STAG1: variants seen among roughly 807,000 people sequenced by gnomAD.
The protein encoded by STAG1 is STAG1 cohesin complex component, also known as cohesin subunit SA-1.
Under a neutral mutation model 170.9 loss-of-function variants are expected in STAG1, and 26 were observed. The ratio of observed to expected loss-of-function variants is 0.15; its 90% CI spans 0.11 to 0.21. The LOEUF (loss-of-function observed/expected upper bound fraction) is 0.21. STAG1 is among the 10% of genes least tolerant of loss of function. STAG1 has a pLI of 1.00. For missense variants in STAG1, 964 were observed against 1,509.5 expected, an observed-to-expected ratio of 0.64 and a Z score of 5.99; for synonymous variants, 514 against 497.7, an observed-to-expected ratio of 1.03 and a Z score of -0.44.
At chr3:136,587,395 C>T (rs186834839) in intron 4 of STAG1, among the ~76,000 whole-genome samples, 2 of 151,940 alleles carry the variant, frequency 1.3e-5, no homozygotes, top group East Asian at 1.9e-4. Context: ...CAAAAATTAG[C>T]CAGGCATGGT....
chr3:136,500,054 GTCATACAATTT>G, intron 9 of STAG1, 158 bp downstream of exon 9: 1 of 538,500 alleles, frequency 1.9e-6, no homozygotes, highest in Non-Finnish European at 3.4e-6. Context: ...AGTGGCAGCA[GTCATACAATTT>G]CTTCTATAGT....
intron 21 of STAG1, among the ~76,000 whole-genome samples, chr3:136,399,578 G>A (rs954744702): frequency 1.7e-4 from 26 of 152,040 alleles, no homozygotes; most frequent in African/African-American, 5.1e-4. Flanking sequence ...TTTTAGTTCC[G>A]TGTAATATTT....
intron 16 of STAG1, among the ~76,000 whole-genome samples, chr3:136,424,908 C>T (rs897319480): frequency 6.6e-6 from 1 of 152,050 alleles, no homozygotes; most frequent in South Asian, 2.1e-4. Context: ...GGTGCAATCT[C>T]GGCTCACCGC....
intron 4 of STAG1, among the ~76,000 whole-genome samples, chr3:136,596,657 A>G (rs933474617): frequency 3.3e-5 from 5 of 152,214 alleles, no homozygotes; most frequent in African/African-American, 4.8e-5. Flanking sequence ...TTCACACTTT[A>G]TAAGTACTGT....
At chr3:136,454,430 C>A (rs762183218) in intron 13 of STAG1, among the ~76,000 whole-genome samples, 2 of 151,718 alleles carry the variant, frequency 1.3e-5, no homozygotes, top group African/African-American at 4.8e-5. Flanking sequence ...CCTGGCTGGA[C>A]GGCAATGGCA....
intron 23 of STAG1, among the ~76,000 whole-genome samples, chr3:136,375,908 G>T (rs1423825680): frequency 6.6e-6 from 1 of 151,436 alleles, no homozygotes; most frequent in Non-Finnish European, 1.5e-5. Context: ...GGTGGAGGTT[G>T]CAGTGAGCCG....
At chr3:136,510,516 T>A (rs1218169837) in intron 7 of STAG1, among the ~76,000 whole-genome samples, 2 of 151,750 alleles carry the variant, frequency 1.3e-5, no homozygotes, top group Non-Finnish European at 2.9e-5. Flanking sequence ...TCTCGAATGA[T>A]CTGCCCTCTT....
At position 136,610,069 on chromosome 3, in the gene STAG1, C is replaced by CT. The variant is rs1252165258; in HGVS notation, c.133-5597dup. On this transcript the variant is annotated intron_variant, in intron 3 of 33. Transcript: ENST00000383202. The stretch of plus-strand genomic sequence containing the variant: ...TTCTTTTTTTGAGATGGAGTCTCGT[C>CT]TGTCGCCCAGGCTGGAGTACAGTGG... 2.0e-5 allele frequency among the ~76,000 whole-genome samples: 3 copies of CT among 151,998 alleles called. No individual in the cohort carries two copies. In the East Asian group the frequency reaches 5.8e-4, roughly 29 times the overall value.
At chr3:136,417,745 C>A (rs1274103149) in intron 21 of STAG1, 140 bp downstream of exon 21, 2 of 653,954 alleles carry the variant, frequency 3.1e-6, no homozygotes, top group Non-Finnish European at 5.4e-6. Context: ...CATTTAATTA[C>A]TACAGCAATA....
At chr3:136,368,213 C>T (rs561986004) in intron 24 of STAG1, among the ~76,000 whole-genome samples, 45 of 152,138 alleles carry the variant, frequency 3.0e-4, no homozygotes, top group Non-Finnish European at 6.0e-4. Flanking sequence ...AAAGAACAGC[C>T]GAACAGCATC....
chr3:136,590,845 G>T (rs561870714), intron 4 of STAG1, among the ~76,000 whole-genome samples: 95 of 152,168 alleles, frequency 6.2e-4, no homozygotes, highest in African/African-American at 2.2e-3. Flanking sequence ...TAAAATATGT[G>T]CCCTGGTTTG....
At chr3:136,498,387 G>T (rs552494704) in intron 9 of STAG1, among the ~76,000 whole-genome samples, 2 of 146,332 alleles carry the variant, frequency 1.4e-5, no homozygotes, top group African/African-American at 5.0e-5. Context: ...AGCCAGATCC[G>T]CCCACAAAAA....
chr3:136,604,325 C>T lies in STAG1; in HGVS notation c.281G>A (p.Gly94Glu). ...AAAATTTACCTGCATTGCACTTTTC[C>T]CCAGTTTCACCACCTCAAATAATGT... is the stretch of plus-strand genomic sequence containing the variant. The part of the protein sequence containing the change: ...PVTLFEVVKL[G>E]KSAMQSVVDD... Residue 94 changes from glycine to glutamate, a missense_variant, in exon 4 of 34, where the codon GGG becomes GAG. Around this residue, in one of 11 missense-constraint regions of STAG1, gnomAD observed 108 missense variants for 120.2 expected, o/e 0.90. Transcript: ENST00000383202. The T allele has an allele frequency of 6.2e-7, 1 of 1,605,606 alleles. No individual in the cohort carries two copies. The highest frequency in any genetic ancestry group is 8.5e-7 in the Non-Finnish European group (1 of 1,177,944).
rs373723782 is a variant in STAG1 at position 136,389,559 on chromosome 3, G to A, written c.2277+9190C>T. 1.4e-4 allele frequency among the ~76,000 whole-genome samples: 21 copies of A among 151,644 alleles called. No individual in the cohort carries two copies. The South Asian group carries it at 2.1e-3, about 15-fold the overall frequency. ...TTCTGAGATGGATTCTTGCTTTGTC[G>A]CCCAGGCTGGAGTGCAGTGGTGCCA... On this transcript the variant is annotated intron_variant, in intron 22 of 33. Transcript: ENST00000383202.
At chr3:136,427,775 G>C (rs2107737947) in intron 16 of STAG1, among the ~76,000 whole-genome samples, 2 of 151,944 alleles carry the variant, frequency 1.3e-5, no homozygotes, top group South Asian at 4.2e-4. Context: ...CTTATATATG[G>C]GTGCAGAATT....
chr3:136,531,108 C>T (rs1935345529), intron 6 of STAG1, among the ~76,000 whole-genome samples: 1 of 152,018 alleles, frequency 6.6e-6, no homozygotes, highest in African/African-American at 2.4e-5. Context: ...CTGTCTTGAA[C>T]AGACACTTCT....
chr3:136,511,083 G>A (rs1294838482), intron 7 of STAG1, among the ~76,000 whole-genome samples: 1 of 152,110 alleles, frequency 6.6e-6, no homozygotes, highest in Admixed American at 6.6e-5. Flanking sequence ...GAGATCTGAC[G>A]GTTTTATACG....
At chr3:136,615,685 G>A (rs1328140036) in intron 3 of STAG1, among the ~76,000 whole-genome samples, 4 of 151,664 alleles carry the variant, frequency 2.6e-5, no homozygotes, top group African/African-American at 7.3e-5. Flanking sequence ...GGCTGAGGCA[G>A]GGGAATGGTG....
intron 22 of STAG1, among the ~76,000 whole-genome samples, chr3:136,391,303 A>G (rs1229357773): frequency 6.6e-6 from 1 of 152,066 alleles, no homozygotes; most frequent in Non-Finnish European, 1.5e-5. Context: ...CCAGGAGAGA[A>G]AAAAAATAAG....
Sources: gnomAD v4.1 joint callset for allele counts (sites outside exome capture counted in the v4.1 genomes callset) on GRCh38, gnomAD v4.1.1 for gene constraint, gnomAD v4.1.1 regional missense constraint, MANE v1.5 for transcripts, NCBI Gene and HGNC (gene_info 2026-07-23, HGNC 2026-07-21) for gene names.